Variants in ETV5 observed in about 807,000 individuals in gnomAD.
The protein encoded by ETV5 is ETS translocation variant 5.
A neutral mutation model predicts 70.0 loss-of-function variants in ETV5; 10 were observed. The observed-to-expected ratio is 0.14, with a 90% CI of 0.09 to 0.24. The LOEUF is 0.24. ETV5 is among the 10% of genes least tolerant of loss of function. ETV5 has a pLI of 1.00. For synonymous variants in ETV5, 216 were observed against 242.2 expected (o/e 0.89, Z 1.01); for missense variants, 453 against 651.2 (o/e 0.70, Z 3.31).
rs200893185 is a variant in ETV5, at chr3:186,105,364, T to C, written c.182-9A>G. 666 of 1,612,958 alleles carry C rather than the reference T, an allele frequency of 4.1e-4. 1 individual carries two copies. The highest frequency in any genetic ancestry group is 2.5e-3 in the Middle Eastern group (15 of 6,038). On this transcript the variant is annotated splice_polypyrimidine_tract_variant and intron_variant, in intron 4 of 12. Transcript: ENST00000306376. The surrounding 1 kb of genome is among the most constrained non-coding windows in gnomAD (Gnocchi z 4.5). ...ATCATCAGGAACTTGTGCTGGAAAA[T>C]AGATTTTTATTTTAGACCTTTAAGT...
intron 12 of ETV5, 152 bp from the exon 13 acceptor site, chr3:186,049,012 C>T (rs915561046): frequency 7.7e-6 from 5 of 646,302 alleles, no homozygotes; most frequent in Admixed American, 5.4e-5. Context: ...CTCCTGGGAA[C>T]CTATTATCTG....
Position 186,057,392 on chromosome 3 carries a change from C to T in ETV5, c.1039+31G>A, listed in dbSNP as rs757103684. The stretch of plus-strand genomic sequence containing the variant: ...TGTTCTGACACCTCCAAACCTCTAC[C>T]TGGCAACAAACCTTGGATGGGGCTA... On this transcript the variant is annotated intron_variant, in intron 10 of 12. Coordinates refer to ENST00000306376, the MANE Select transcript of ETV5 (RefSeq NM_004454.3). The surrounding 1 kb of genome is among the most constrained non-coding windows in gnomAD (Gnocchi z 4.9). 6.2e-7 allele frequency: 1 copy of T among 1,612,964 alleles called. No homozygotes were observed. The highest frequency in any genetic ancestry group is 8.5e-7 in the Non-Finnish European group (1 of 1,178,916).
At chr3:186,099,436 C>G (rs1714397176) in intron 5 of ETV5, among the ~76,000 whole-genome samples, 1 of 152,358 alleles carries the variant, frequency 6.6e-6, no homozygotes, top group Admixed American at 6.5e-5. Flanking sequence ...CTCTGAGCTC[C>G]TTGGATTCCA....
At chr3:186,074,765 T>A (rs980436520) in intron 7 of ETV5, among the ~76,000 whole-genome samples, 2 of 150,348 alleles carry the variant, frequency 1.3e-5, no homozygotes, top group African/African-American at 2.5e-5. Context: ...AATATAAAAA[T>A]TAGCTGGGCG....
At chr3:186,075,516 A>C (rs1160244956) in intron 7 of ETV5, among the ~76,000 whole-genome samples, 1 of 152,250 alleles carries the variant, frequency 6.6e-6, no homozygotes, top group African/African-American at 2.4e-5. Flanking sequence ...AGCATCCTTA[A>C]GGAATTGGTA....
In ETV5 at chr3:186,057,548, A is replaced by C. The variant is rs1380763151; in HGVS notation, c.971-57T>G. ...GCTTAACAAATTCTGTGTTGTACTA[A>C]AACTATGGATTTAAGGACTAGAGTG... On this transcript the variant is annotated intron_variant, in intron 9 of 12. Transcript: ENST00000306376. The surrounding 1 kb of genome is among the most constrained non-coding windows in gnomAD (Gnocchi z 4.9). 2.8e-6 allele frequency: 4 copies of C among 1,427,198 alleles called. No individual in the cohort carries two copies. In the African/African-American group the frequency reaches 5.6e-5, roughly 20 times the overall value. 88.4% of individuals were successfully genotyped at this position (1,427,198 alleles called of 1,614,324 possible). A position where few individuals can be genotyped will look rare whatever the true frequency, so the allele number is the denominator to read the frequency against.
At chr3:186,073,203 T>A (rs919437177) in intron 7 of ETV5, among the ~76,000 whole-genome samples, 1 of 152,202 alleles carries the variant, frequency 6.6e-6, no homozygotes, top group African/African-American at 2.4e-5. Flanking sequence ...CAGCATTACA[T>A]TTTAAAAACT....
chr3:186,079,687 C>T (rs1365406968), intron 7 of ETV5, 130 bp downstream of exon 7: 5 of 930,316 alleles, frequency 5.4e-6, no homozygotes, highest in Non-Finnish European at 8.1e-6. Flanking sequence ...AGTCTTGCCT[C>T]ACAAGCTGCC....
At chr3:186,108,716 G>A in intron 1 of ETV5, 4 of 1,110,048 alleles carry the variant, frequency 3.6e-6, no homozygotes, top group South Asian at 1.7e-5. Flanking sequence ...CGCTCTCCCC[G>A]CGCTCCGGAA....
intron 5 of ETV5, among the ~76,000 whole-genome samples, chr3:186,083,534 A>G (rs1443854910): frequency 6.6e-6 from 1 of 152,194 alleles, no homozygotes; most frequent in Non-Finnish European, 1.5e-5. Context: ...AACTGCACGT[A>G]TCTAAAAGGA....
At chr3:186,108,632 T>A in intron 1 of ETV5, 1 of 1,168,876 alleles carries the variant, frequency 8.6e-7, no homozygotes, top group Non-Finnish European at 1.1e-6. Flanking sequence ...GCCTCGCAAC[T>A]CCGCGATCCC....
intron 5 of ETV5, among the ~76,000 whole-genome samples, chr3:186,099,103 C>T (rs773229695): frequency 2.6e-5 from 4 of 152,196 alleles, no homozygotes; most frequent in East Asian, 1.9e-4. Flanking sequence ...AGTCCTCTTA[C>T]GGGGAATTCT....
rs1713435060 is a variant in ETV5, at chr3:186,066,040, G to C, written c.683C>G (p.Pro228Arg). 1.9e-6 allele frequency: 3 copies of C among 1,607,548 alleles called. No individual in the cohort carries two copies. Among genetic ancestry groups the C allele is most frequent in the Non-Finnish European group, 2.5e-6 (3 of 1,177,158 alleles). ...FQRQLSEPCH[P>R]FPPQPGVPGD... ...AGGAACTCCTGGCTGAGGAGGGAAG[G>C]GGTGGCAGGGTTCAGACAGTTGTCT... is the stretch of plus-strand genomic sequence containing the variant. Residue 228 changes from proline (P) to arginine (R), a missense_variant, in exon 8 of 13, where the codon CCC (proline) becomes CGC (arginine). Physicochemically the swap from Pro to Arg is moderately radical, Grantham distance 103 (BLOSUM62 -2). Around this residue, in one of 4 missense-constraint regions of ETV5, gnomAD observed 307 missense variants for 344.9 expected, o/e 0.89. Transcript: ENST00000306376.
chr3:186,085,282 A>G (rs1028660568), intron 5 of ETV5, among the ~76,000 whole-genome samples: 1 of 152,162 alleles, frequency 6.6e-6, no homozygotes, highest in Admixed American at 6.5e-5. Context: ...GGAAAGAGAG[A>G]AGGAAGACAA....
At chr3:186,080,163 C>A (rs2150149343) in intron 6 of ETV5, 59 bp from the exon 7 acceptor site, 1 of 1,379,262 alleles carries the variant, frequency 7.3e-7, no homozygotes, top group African/African-American at 1.5e-5. Context: ...AGCATGGTTA[C>A]CAGGTCCAGC....
chr3:186,081,026 G>C lies in ETV5; in HGVS notation c.362+20C>G, dbSNP rs756494739. ...GAGCCTTTCTGGGCAGCCTTTCTTCGACTCCTCTTGCCCACTCACCAATAG... is the reference window on the plus strand; with the variant it reads ...GAGCCTTTCTGGGCAGCCTTTCTTCCACTCCTCTTGCCCACTCACCAATAG... On this transcript the variant is annotated intron_variant, in intron 6 of 12. Transcript: ENST00000306376. 3.1e-6 allele frequency: 5 copies of C among 1,590,086 alleles called. No homozygotes were observed. Among genetic ancestry groups the C allele is most frequent in the African/African-American group, 2.7e-5 (2 of 73,976 alleles).
chr3:186,083,052 C>T (rs1228983912), intron 5 of ETV5, among the ~76,000 whole-genome samples: 1 of 152,246 alleles, frequency 6.6e-6, no homozygotes, highest in Non-Finnish European at 1.5e-5. Context: ...GCAGCCAACA[C>T]TCAATTGTTA....
At chr3:186,058,427 T>C (rs1481467623) in intron 9 of ETV5, among the ~76,000 whole-genome samples, 1 of 152,216 alleles carries the variant, frequency 6.6e-6, no homozygotes, top group Non-Finnish European at 1.5e-5. Flanking sequence ...GCCCCAGGGC[T>C]CCTGTCTGAT....
At chr3:186,108,597 T>G in intron 1 of ETV5, 1 of 1,226,368 alleles carries the variant, frequency 8.2e-7, no homozygotes, top group South Asian at 1.4e-5. Flanking sequence ...CCCTCGGGGC[T>G]CTCGAATCTC....
Sources: gnomAD v4.1 joint callset for allele counts (sites outside exome capture counted in the v4.1 genomes callset) on GRCh38, gnomAD v4.1.1 for gene constraint, gnomAD v4.1.1 regional missense constraint, Gnocchi (gnomAD v3.1) non-coding constraint, MANE v1.5 for transcripts, NCBI Gene and HGNC (gene_info 2026-07-23, HGNC 2026-07-21) for gene names.